Variants in PDZD2 observed in about 807,000 individuals in gnomAD.
PDZD2 encodes the protein PDZ domain containing 2.
Under a neutral mutation model 220.7 loss-of-function variants are expected in PDZD2, and 90 were observed. The observed-to-expected ratio is 0.41, with a 90% CI of 0.34 to 0.49. PDZD2 has a LOEUF of 0.49. PDZD2 is among the 20% of genes least tolerant of loss of function. The pLI is 0.28. For synonymous variants in PDZD2, 1,375 were observed against 1,450.5 expected, an observed-to-expected ratio of 0.95 and a Z score of 1.18; for missense variants, 3,174 against 3,608.5, an observed-to-expected ratio of 0.88 and a Z score of 3.08.
chr5:32,073,035 A>G (rs1740906532), intron 17 of PDZD2, among the ~76,000 whole-genome samples: 1 of 151,974 alleles, frequency 6.6e-6, no homozygotes, highest in African/African-American at 2.4e-5. Flanking sequence ...TTTTAATCTC[A>G]TTGATATATC....
chr5:31,671,396 C>T (rs566294879), intron 1 of PDZD2, among the ~76,000 whole-genome samples: 1 of 152,338 alleles, frequency 6.6e-6, no homozygotes, highest in Non-Finnish European at 1.5e-5. Context: ...TGGTTGCTGG[C>T]ATTTGTTGTC....
intron 1 of PDZD2, among the ~76,000 whole-genome samples, chr5:31,795,867 T>C (rs1313847039): frequency 4.6e-5 from 7 of 152,208 alleles, no homozygotes; most frequent in African/African-American, 1.7e-4. Flanking sequence ...CCCTCAATTA[T>C]AGGTATGGGA....
chr5:32,008,665 CT>C (rs1164892305), intron 5 of PDZD2, among the ~76,000 whole-genome samples: 1 of 152,276 alleles, frequency 6.6e-6, no homozygotes, highest in East Asian at 1.9e-4. Context: ...TATGTGAGCT[CT>C]GGGCTAGGCC....
intron 2 of PDZD2, among the ~76,000 whole-genome samples, chr5:31,884,660 C>T (rs1008303241): frequency 6.6e-6 from 1 of 152,114 alleles, no homozygotes; most frequent in Non-Finnish European, 1.5e-5. Flanking sequence ...GCGATCTCGG[C>T]TCACTGCAAC....
At chr5:31,978,448 G>A (rs955304927) in intron 2 of PDZD2, among the ~76,000 whole-genome samples, 2 of 152,174 alleles carry the variant, frequency 1.3e-5, no homozygotes, top group African/African-American at 4.8e-5. Flanking sequence ...GGCCAGGCAT[G>A]GTGGCTCACG....
chr5:31,848,612 G>A (rs1214229216), intron 2 of PDZD2, among the ~76,000 whole-genome samples: 1 of 123,124 alleles, frequency 8.1e-6, no homozygotes, highest in Non-Finnish European at 1.7e-5. Flanking sequence ...AGCCAGGTGT[G>A]GTGGTGGGCA....
rs898664305 is a variant in PDZD2 at position 31,646,050 on chromosome 5, G to A, written c.-361+6613G>A. On this transcript the variant is annotated intron_variant, in intron 1 of 24. Transcript: ENST00000438447. This position sits in a 1 kb window ranked among gnomAD's most constrained non-coding sequence, Gnocchi z 4.7. ...TGTCAGGGAGCTTTGCACTGCGGGG[G>A]GGCCTTCTCACTACTGTCACTCCTA... is the stretch of plus-strand genomic sequence containing the variant. Among the ~76,000 whole-genome samples the A allele has an allele frequency of 2.0e-5, 3 of 151,996 alleles. No individual in the cohort carries two copies. Among genetic ancestry groups the A allele is most frequent in the East Asian group, 1.9e-4 (1 of 5,158 alleles).
intron 1 of PDZD2, among the ~76,000 whole-genome samples, chr5:31,771,628 T>C (rs1025162188): frequency 1.3e-5 from 2 of 152,152 alleles, no homozygotes; most frequent in African/African-American, 4.8e-5. Context: ...CAGACCCAAA[T>C]TGAAAACAAT....
At chr5:31,912,593 C>T (rs940458003) in intron 2 of PDZD2, among the ~76,000 whole-genome samples, 2 of 152,258 alleles carry the variant, frequency 1.3e-5, no homozygotes, top group South Asian at 2.1e-4. Flanking sequence ...AACCAAACCC[C>T]GCAATTGACA....
At chr5:32,042,595 T>A (rs1307781033) in intron 7 of PDZD2, among the ~76,000 whole-genome samples, 1 of 151,968 alleles carries the variant, frequency 6.6e-6, no homozygotes, top group Non-Finnish European at 1.5e-5. Flanking sequence ...AAAAAAAGAA[T>A]GTGATTGACA....
chr5:31,900,120 A>G (rs1325820389), intron 2 of PDZD2, among the ~76,000 whole-genome samples: 1 of 152,220 alleles, frequency 6.6e-6, no homozygotes, highest in Non-Finnish European at 1.5e-5. Flanking sequence ...CGGTGTCACC[A>G]GGATTTTGAG....
chr5:32,029,852 C>A (rs944372074), intron 6 of PDZD2, among the ~76,000 whole-genome samples: 1 of 152,188 alleles, frequency 6.6e-6, no homozygotes, highest in African/African-American at 2.4e-5. Context: ...ACCAGAGAGA[C>A]TCAGTAATAT....
intron 1 of PDZD2, among the ~76,000 whole-genome samples, chr5:31,764,412 G>A (rs1245323671): frequency 1.3e-5 from 2 of 152,130 alleles, no homozygotes; most frequent in African/African-American, 4.8e-5. Context: ...TAGATCAGAT[G>A]TCCAAAAACT....
chr5:31,757,362 C>T (rs866503211), intron 1 of PDZD2, among the ~76,000 whole-genome samples: 15 of 152,196 alleles, frequency 9.9e-5, no homozygotes, highest in Middle Eastern at 6.8e-3. Context: ...GAGGCCGAGG[C>T]GAGCAGATCA....
intron 24 of PDZD2, among the ~76,000 whole-genome samples, chr5:32,106,686 A>T (rs540511396): frequency 5.6e-4 from 85 of 152,344 alleles, no homozygotes; most frequent in African/African-American, 2.0e-3. Flanking sequence ...GCCCAGGTGA[A>T]CACTCACAAA....
chr5:31,728,021 A>AG (rs1554067312), intron 1 of PDZD2, among the ~76,000 whole-genome samples: 7 of 148,522 alleles, frequency 4.7e-5, no homozygotes, highest in African/African-American at 1.7e-4. Flanking sequence ...AAAAAAAAAA[A>AG]GATCAGGCAG....
In PDZD2 at chr5:31,849,893, TATATATATATACATATATATATATAC is replaced by T. The variant is rs1757831366; in HGVS notation, c.476+50181_476+50206del. 4.6e-4 allele frequency among the ~76,000 whole-genome samples: 13 copies of T among 28,540 alleles called. No homozygotes were observed. In the African/African-American group the frequency reaches 4.6e-3, roughly 10 times the overall value. The allele number at this position is 28,540 out of a possible 152,430, so 18.7% of individuals were successfully genotyped here. On this transcript the variant is annotated intron_variant, in intron 2 of 24. Transcript: ENST00000438447. ...ATACATATATATATATATATACACA[TATATATATATACATATATATATATAC>T]ATATATATATATACACATATATATA...
chr5:31,790,944 C>T (rs929723724), intron 1 of PDZD2, among the ~76,000 whole-genome samples: 4 of 151,716 alleles, frequency 2.6e-5, no homozygotes, highest in African/African-American at 7.3e-5. Flanking sequence ...GTGATCCGCC[C>T]GCGTCGGCCT....
intron 2 of PDZD2, among the ~76,000 whole-genome samples, chr5:31,956,779 A>AG (rs1246166932): frequency 6.9e-6 from 1 of 145,976 alleles, no homozygotes; most frequent in Non-Finnish European, 1.5e-5. Context: ...AAAAAAAAAA[A>AG]AAAAAAGGGA....
Sources: allele counts gnomAD v4.1 joint callset (sites outside exome capture counted in the v4.1 genomes callset), GRCh38; gene constraint gnomAD v4.1.1; non-coding constraint Gnocchi (gnomAD v3.1); transcripts MANE v1.5; gene names NCBI Gene and HGNC (gene_info 2026-07-23, HGNC 2026-07-21).